Variants in SELENOI observed in about 807,000 individuals in gnomAD.
SELENOI encodes ethanolaminephosphotransferase 1.
A neutral mutation model predicts 50.7 loss-of-function variants in SELENOI; 24 were observed. The observed-to-expected ratio is 0.47, with a 90% CI of 0.34 to 0.67. The LOEUF (loss-of-function observed/expected upper bound fraction) is 0.67, where lower values mean the gene tolerates loss of function less well. SELENOI is among the 30% of genes least tolerant of loss of function. The pLI, the probability that SELENOI is intolerant of heterozygous loss-of-function variation, is 0.01. For synonymous variants in SELENOI, 155 were observed against 170.2 expected (o/e 0.91, Z 0.70); for missense variants, 352 against 461.4 (o/e 0.76, Z 2.17).
intron 1 of SELENOI, among the ~76,000 whole-genome samples, chr2:26,361,076 T>C (rs2115881): frequency 0.087 from 13,264 of 151,922 alleles, 1,698 homozygotes; most frequent in East Asian, 0.61. Context: ...TAGCTGGGCG[T>C]GGTGGTGGGC....
chr2:26,357,269 C>T (rs11899781), intron 1 of SELENOI, among the ~76,000 whole-genome samples: 17,849 of 152,198 alleles, frequency 0.12, 2,506 homozygotes, highest in African/African-American at 0.34. Context: ...CTTCCACTCA[C>T]TACTGTGTCT....
At chr2:26,370,918 CGG>C (rs1677417266) in intron 4 of SELENOI, among the ~76,000 whole-genome samples, 1 of 93,158 alleles carries the variant, frequency 1.1e-5, no homozygotes, top group Non-Finnish European at 2.5e-5. Flanking sequence ...GGCGGCTGGC[CGG>C]GCGGGGGGCT....
intron 1 of SELENOI, among the ~76,000 whole-genome samples, chr2:26,347,104 C>G (rs28551035): frequency 0.12 from 17,739 of 152,148 alleles, 2,472 homozygotes; most frequent in African/African-American, 0.33. Flanking sequence ...ATGAATGACT[C>G]TAACCATCCA....
chr2:26,370,825 G>C (rs76149257), intron 4 of SELENOI, among the ~76,000 whole-genome samples: 5 of 135,318 alleles, frequency 3.7e-5, no homozygotes, highest in African/African-American at 5.5e-5. Flanking sequence ...CTGGCCGGGC[G>C]GGGGGCTGAC....
chr2:26,393,628 G>C lies in SELENOI; in HGVS notation c.*4525G>C, dbSNP rs1678020386. 6.6e-6 allele frequency: 1 copy of C among 152,168 alleles called. No homozygotes were observed. The highest frequency in any genetic ancestry group is 2.1e-4 in the South Asian group (1 of 4,826). The allele number at this position is 152,168 out of a possible 1,614,324, so 9.4% of individuals were successfully genotyped here. On this transcript the variant is annotated 3_prime_UTR_variant, in exon 10 of 10. Transcript: ENST00000260585. ...ACTTGGACTGCAGCAGGATTGTTCT[G>C]GTCTTCCACAGACCATTCACATGGT...
intron 4 of SELENOI, among the ~76,000 whole-genome samples, chr2:26,371,545 C>T (rs1461955961): frequency 2.6e-5 from 4 of 152,176 alleles, no homozygotes; most frequent in Admixed American, 2.0e-4. Flanking sequence ...GCCGAGATCA[C>T]GCCACTGCAC....
Position 26,384,971 on chromosome 2 carries a change from TAACAC to T in SELENOI, c.745_749del (p.Asn249LeufsTer8). 6.2e-7 allele frequency: 1 copy of T among 1,601,454 alleles called. No individual in the cohort carries two copies. Among genetic ancestry groups the T allele is most frequent in the Non-Finnish European group, 8.5e-7 (1 of 1,176,260 alleles). On this transcript the variant is annotated frameshift_variant, in exon 8 of 10. Coordinates refer to ENST00000260585, the MANE Select transcript of SELENOI (RefSeq NM_033505.4). LOFTEE classifies it high-confidence loss of function. ...TTTTTTTTTCCAGAAGCTATAAAAA[TAACAC>T]CTTGAAACTCAATTCAGTCTATGAA...
intron 5 of SELENOI, among the ~76,000 whole-genome samples, chr2:26,374,240 A>G (rs1444152232): frequency 1.3e-5 from 2 of 152,256 alleles, no homozygotes; most frequent in African/African-American, 2.4e-5. Context: ...ATATGCACAT[A>G]TAATTGAATG....
intron 1 of SELENOI, among the ~76,000 whole-genome samples, chr2:26,358,471 C>T (rs994461948): frequency 2.6e-5 from 4 of 152,164 alleles, no homozygotes; most frequent in Non-Finnish European, 4.4e-5. Context: ...TCCCCCACCC[C>T]ACCTCAGCCT....
chr2:26,355,727 G>GTC (rs10540226), intron 1 of SELENOI, among the ~76,000 whole-genome samples: 22 of 147,578 alleles, frequency 1.5e-4, no homozygotes, highest in Non-Finnish European at 2.4e-4. Flanking sequence ...AGTTCTTCAA[G>GTC]TCTCTCTCTC....
chr2:26,358,892 G>A (rs1677118361), intron 1 of SELENOI, among the ~76,000 whole-genome samples: 1 of 152,186 alleles, frequency 6.6e-6, no homozygotes, highest in Non-Finnish European at 1.5e-5. Context: ...AGCAGCATAA[G>A]TTATCAAGGA....
chr2:26,349,632 A>AT (rs1676909260), intron 1 of SELENOI, among the ~76,000 whole-genome samples: 2 of 120,276 alleles, frequency 1.7e-5, no homozygotes, highest in African/African-American at 3.1e-5. Flanking sequence ...TAGTTGAGGG[A>AT]TTTTTCCCCA....
At chr2:26,377,894 G>C (rs1166390596) in intron 6 of SELENOI, among the ~76,000 whole-genome samples, 1 of 151,930 alleles carries the variant, frequency 6.6e-6, no homozygotes, top group East Asian at 1.9e-4. Flanking sequence ...TTGAAAACTG[G>C]ATATTATAGA....
intron 1 of SELENOI, among the ~76,000 whole-genome samples, chr2:26,349,274 T>C (rs1676899257): frequency 7.0e-6 from 1 of 142,534 alleles, no homozygotes. Flanking sequence ...CCTCCCAGAG[T>C]GCTGAGATTA....
intron 1 of SELENOI, among the ~76,000 whole-genome samples, chr2:26,349,049 C>G (rs923178141): frequency 1.2e-4 from 12 of 102,396 alleles, no homozygotes; most frequent in African/African-American, 4.5e-4. Context: ...GAGGTTTGCT[C>G]TTGTTGCCCA....
chr2:26,373,483 A>C lies in SELENOI; in HGVS notation c.427A>C (p.Ile143Leu). ...CVYFVVTVYS[I>L]FGRGSTGVSV... Reference sequence around the variant, plus strand: ...TTACTTTGTTGTGACTGTTTATTCCATCTTTGGAAGAGGATCAACTGGTGT... The same window carrying C: ...TTACTTTGTTGTGACTGTTTATTCCCTCTTTGGAAGAGGATCAACTGGTGT... Residue 143 changes from isoleucine to leucine, a missense_variant, in exon 5 of 10, where the codon ATC becomes CTC. Physicochemically the swap from Ile to Leu is conservative, Grantham distance 5. Transcript: ENST00000260585. 8.1e-6 allele frequency: 13 copies of C among 1,613,942 alleles called. No individual in the cohort carries two copies. The highest frequency in any genetic ancestry group is 1.1e-5 in the Non-Finnish European group (13 of 1,179,868).
intron 4 of SELENOI, among the ~76,000 whole-genome samples, chr2:26,370,294 A>G (rs1677387654): frequency 6.6e-6 from 1 of 151,714 alleles, no homozygotes; most frequent in South Asian, 2.1e-4. Flanking sequence ...CGATTTCTCA[A>G]TCTTTTCCCC....
chr2:26,347,332 C>G (rs1676813484), intron 1 of SELENOI, among the ~76,000 whole-genome samples: 1 of 152,026 alleles, frequency 6.6e-6, no homozygotes, highest in Non-Finnish European at 1.5e-5. Flanking sequence ...TGTGGACCAT[C>G]ATGGCTTAAG....
At chr2:26,365,040 A>G (rs916569482) in intron 3 of SELENOI, 100 bp downstream of exon 3, 2 of 834,926 alleles carry the variant, frequency 2.4e-6, no homozygotes, top group Non-Finnish European at 3.6e-6. Flanking sequence ...TTTCTAAAAA[A>G]TTTTGAATAT....
Sources: gnomAD v4.1 joint callset for allele counts (sites outside exome capture counted in the v4.1 genomes callset) on GRCh38, gnomAD v4.1.1 for gene constraint, MANE v1.5 for transcripts, NCBI Gene and HGNC (gene_info 2026-07-23, HGNC 2026-07-21) for gene names.